The following PAK3 variants were observed in gnomAD, a reference collection of about 807,000 sequenced individuals.
PAK3 encodes the protein serine/threonine-protein kinase PAK 3.
A neutral mutation model predicts 41.0 loss-of-function variants in PAK3; 4 were observed. The observed-to-expected ratio is 0.10, with a 90% confidence interval of 0.05 to 0.22. The LOEUF is 0.22. Among genes scored for constraint, PAK3 ranks in the 10% least tolerant of loss-of-function variants. The pLI is 1.00. For synonymous variants in PAK3, 146 were observed against 139.6 expected, an observed-to-expected ratio of 1.05 and a Z score of -0.32; for missense variants, 205 against 409.9, an observed-to-expected ratio of 0.50 and a Z score of 4.32.
intron 8 of PAK3, among the ~76,000 whole-genome samples, chrX:111,160,872 A>G (rs2094173672): frequency 1.8e-5 from 2 of 112,346 alleles, no homozygotes. Flanking sequence ...TCATTGTTGG[A>G]CATTTGGGTT....
intron 1 of PAK3, among the ~76,000 whole-genome samples, chrX:111,017,214 T>C (rs1470597236): frequency 1.8e-5 from 2 of 110,013 alleles, no homozygotes; most frequent in African/African-American, 6.6e-5. Context: ...AAGAGACCAA[T>C]AAAGATTGGA....
At chrX:111,029,966 G>T (rs1455084764) in intron 1 of PAK3, among the ~76,000 whole-genome samples, 106 of 112,005 alleles carry the variant, frequency 9.5e-4, no homozygotes, top group Non-Finnish European at 5.5e-4. Flanking sequence ...ACAACAGGAG[G>T]TTGGCTACAA....
intron 1 of PAK3, among the ~76,000 whole-genome samples, chrX:111,075,481 A>T (rs1415544264): frequency 3.5e-5 from 4 of 112,832 alleles, no homozygotes; most frequent in South Asian, 3.7e-4. Flanking sequence ...CTTCCATGTG[A>T]TGTTCAGTCT....
chrX:111,158,344 T>C (rs1197484643), intron 8 of PAK3, among the ~76,000 whole-genome samples: 9 of 112,196 alleles, frequency 8.0e-5, no homozygotes, highest in African/African-American at 2.9e-4. Context: ...GAAGCTATGT[T>C]ATTTTTGCTT....
At chrX:110,967,535 A>G (rs1460998151) in intron 1 of PAK3, among the ~76,000 whole-genome samples, 1 of 111,494 alleles carries the variant, frequency 9.0e-6, no homozygotes, top group Non-Finnish European at 1.9e-5. Context: ...TTCCCATGGA[A>G]GAGAGCAGTG....
chrX:111,032,139 CA>C (rs1172487130), intron 1 of PAK3, among the ~76,000 whole-genome samples: 3 of 111,777 alleles, frequency 2.7e-5, no homozygotes, highest in African/African-American at 9.8e-5. Flanking sequence ...CTGGCTTCAT[CA>C]GGGGGCCATA....
At chrX:111,076,624 G>A (rs1056141338) in intron 1 of PAK3, among the ~76,000 whole-genome samples, 4 of 111,630 alleles carry the variant, frequency 3.6e-5, no homozygotes, top group Non-Finnish European at 7.5e-5. Context: ...CCCAGTCTCA[G>A]GTATTTCTTG....
At chrX:110,998,953 C>T (rs757033103) in intron 1 of PAK3, among the ~76,000 whole-genome samples, 107 of 112,018 alleles carry the variant, frequency 9.6e-4, no homozygotes, top group Non-Finnish European at 1.2e-3. Flanking sequence ...CAGGCCCAGA[C>T]GGCTTGTGAA....
At chrX:110,951,539 G>A (rs899533216) in intron 1 of PAK3, among the ~76,000 whole-genome samples, 2 of 111,809 alleles carry the variant, frequency 1.8e-5, no homozygotes, top group African/African-American at 3.3e-5. Context: ...GTGTATACAA[G>A]TACATTTTCC....
intron 10 of PAK3, chrX:111,169,257 G>T: frequency 4.0e-6 from 1 of 251,867 alleles, no homozygotes; most frequent in South Asian, 5.1e-5. Context: ...CTATGCAGAT[G>T]ACTGTTTAGT....
intron 7 of PAK3, among the ~76,000 whole-genome samples, chrX:111,149,697 C>T (rs1160503361): frequency 8.9e-6 from 1 of 111,936 alleles, no homozygotes; most frequent in Non-Finnish European, 1.9e-5. Flanking sequence ...ACACAGGGCA[C>T]CAAGCCCCTA....
chrX:111,204,076 T>G (rs1055678336), intron 16 of PAK3, among the ~76,000 whole-genome samples: 11 of 111,508 alleles, frequency 9.9e-5, no homozygotes, highest in Non-Finnish European at 2.1e-4. Flanking sequence ...GGGTTCCTTT[T>G]TAATCAGAAA....
chrX:111,003,387 C>G (rs1354350180), intron 1 of PAK3, among the ~76,000 whole-genome samples: 1 of 111,158 alleles, frequency 9.0e-6, no homozygotes, highest in Non-Finnish European at 1.9e-5. Context: ...CCCTGCACCT[C>G]GGGGAAACTG....
chrX:110,972,904 C>T (rs752947141), intron 1 of PAK3, among the ~76,000 whole-genome samples: 1 of 111,676 alleles, frequency 9.0e-6, no homozygotes, highest in Non-Finnish European at 1.9e-5. Context: ...GGCACAAGAA[C>T]TTCGTGACGC....
chrX:111,038,865 T>C (rs1017744392), intron 1 of PAK3, among the ~76,000 whole-genome samples: 1 of 112,091 alleles, frequency 8.9e-6, no homozygotes, highest in Non-Finnish European at 1.9e-5. Context: ...TAAGAGCTAA[T>C]TAAGAATTGG....
intron 1 of PAK3, among the ~76,000 whole-genome samples, chrX:110,968,787 T>G (rs774198558): frequency 1.8e-5 from 2 of 111,601 alleles, no homozygotes; most frequent in Admixed American, 9.5e-5. Context: ...GCTTTTCTTT[T>G]CATTCTGTTA....
At chrX:111,114,150 G>A (rs1427992091) in intron 4 of PAK3, among the ~76,000 whole-genome samples, 2 of 112,039 alleles carry the variant, frequency 1.8e-5, no homozygotes, top group East Asian at 5.6e-4. Context: ...CCAGTAATGG[G>A]ATGGCTGGGT....
At chrX:111,029,625 T>A (rs2092317676) in intron 1 of PAK3, among the ~76,000 whole-genome samples, 1 of 111,985 alleles carries the variant, frequency 8.9e-6, no homozygotes. Context: ...GTTTAAAAGA[T>A]GAATCGTCTG....
chrX:111,217,724 T>C, intron 17 of PAK3: 1 of 496,261 alleles, frequency 2.0e-6, no homozygotes, highest in South Asian at 1.0e-4. Context: ...CCTTTGTTAA[T>C]CCTCTAATTA....
Sources: gnomAD v4.1 joint callset for allele counts (sites outside exome capture counted in the v4.1 genomes callset) on GRCh38, gnomAD v4.1.1 for gene constraint, MANE v1.5 for transcripts, NCBI Gene and HGNC (gene_info 2026-07-23, HGNC 2026-07-21) for gene names.